SHISAL1: variants seen among roughly 807,000 people sequenced by gnomAD.
SHISAL1 encodes the protein shisa like 1, also known as protein shisa-like-1.
A neutral mutation model predicts 22.6 loss-of-function variants in SHISAL1; 9 were observed. The ratio of observed to expected loss-of-function variants is 0.40; its 90% CI spans 0.24 to 0.70. The LOEUF is 0.70. Among genes scored for constraint, SHISAL1 ranks in the 30% least tolerant of loss-of-function variants. The pLI is 0.39. For synonymous variants in SHISAL1, 119 were observed against 115.4 expected, an observed-to-expected ratio of 1.03 and a Z score of -0.20; for missense variants, 246 against 270.6, an observed-to-expected ratio of 0.91 and a Z score of 0.64.
At chr22:44,328,006 G>A in the SHISAL1 span, among the ~76,000 whole-genome samples, 1 of 152,198 alleles carries the variant, frequency 6.6e-6, no homozygotes, top group Non-Finnish European at 1.5e-5. Context: ...CTAAGATCCT[G>A]TGAATCTGTT....
At chr22:44,317,506 G>A (rs1349005306), upstream of SHISAL1, among the ~76,000 whole-genome samples, 1 of 152,198 alleles carries the variant, frequency 6.6e-6, no homozygotes, top group Non-Finnish European at 1.5e-5. Flanking sequence ...ACAGACAACA[G>A]CCTCCTCCCA....
chr22:44,266,532 G>GTGTA (rs1352276536), intron 4 of SHISAL1, among the ~76,000 whole-genome samples: 8 of 143,866 alleles, frequency 5.6e-5, no homozygotes, highest in African/African-American at 1.4e-4. Context: ...TGGGGTATGT[G>GTGTA]TGTGTGTGTG....
chr22:44,312,122 C>T (rs1307836152), intron 1 of SHISAL1, among the ~76,000 whole-genome samples: 10 of 152,176 alleles, frequency 6.6e-5, no homozygotes, highest in Non-Finnish European at 4.4e-5. Context: ...AAGCCCTAAG[C>T]CTCAGTTTCC....
In SHISAL1 at chr22:44,246,430, GTA is replaced by G. The variant is rs2055001917; in HGVS notation, c.*3253_*3254del. On this transcript the variant is annotated 3_prime_UTR_variant, in exon 5 of 5. Transcript: ENST00000381176. ...GATGGACAGAAGCTCACAGTAAAAA[GTA>G]AAAGTAGGCAGCTTAAAAAATCAGG... 1 of 152,140 alleles carries G rather than the reference GTA, an allele frequency of 6.6e-6. No individual in the cohort carries two copies. Among genetic ancestry groups the G allele is most frequent in the Non-Finnish European group, 1.5e-5 (1 of 68,030 alleles). The allele number at this position is 152,140 out of a possible 1,614,324, so 9.4% of individuals were successfully genotyped here.
chr22:44,302,525 T>C (rs984476372), intron 1 of SHISAL1, among the ~76,000 whole-genome samples: 1 of 152,216 alleles, frequency 6.6e-6, no homozygotes, highest in Non-Finnish European at 1.5e-5. Flanking sequence ...GGAGGGCCTC[T>C]CTGAGAAGGT....
At chr22:44,325,642 C>T in the SHISAL1 span, among the ~76,000 whole-genome samples, 1 of 152,172 alleles carries the variant, frequency 6.6e-6, no homozygotes, top group Non-Finnish European at 1.5e-5. Flanking sequence ...CGACTCTGGC[C>T]ACCTTGCTTC....
Position 44,247,506 on chromosome 22 carries a change from A to G in SHISAL1, c.*2179T>C, listed in dbSNP as rs2055011818. 6.6e-6 allele frequency: 1 copy of G among 152,440 alleles called. No individual in the cohort carries two copies. Among genetic ancestry groups the G allele is most frequent in the Non-Finnish European group, 1.5e-5 (1 of 68,240 alleles). The allele number at this position is 152,440 out of a possible 1,614,324, so 9.4% of individuals were successfully genotyped here. On this transcript the variant is annotated 3_prime_UTR_variant, in exon 5 of 5. Transcript: ENST00000381176. ...CCTTTCTCCAATCGAGACCCCAAGC[A>G]GAGGTTCTCCCACTTTGCCAAGCCA...
chr22:44,270,245 C>G (rs1279971856), intron 4 of SHISAL1, among the ~76,000 whole-genome samples: 1 of 152,216 alleles, frequency 6.6e-6, no homozygotes, highest in Non-Finnish European at 1.5e-5. Context: ...CCGAATCTCC[C>G]TCCCTCTTGG....
the SHISAL1 span, among the ~76,000 whole-genome samples, chr22:44,323,576 C>T: frequency 1.3e-5 from 2 of 150,974 alleles, 1 homozygote; most frequent in Non-Finnish European, 3.0e-5. Context: ...TCCATCCATC[C>T]ACCCACCTCA....
chr22:44,323,433 C>T, the SHISAL1 span, among the ~76,000 whole-genome samples: 1 of 143,590 alleles, frequency 7.0e-6, no homozygotes, highest in Non-Finnish European at 1.5e-5. Flanking sequence ...ATCCATGCAT[C>T]CATCCATCAA....
rs1211682092 is a variant in SHISAL1 at position 44,266,418 on chromosome 22, G to T, written c.*-16733C>A. On this transcript the variant is annotated intron_variant, in intron 4 of 4. Transcript: ENST00000381176. ...TTGTCGGAGGGCTTGTTGTTTGTTG[G>T]GGGGCTGTGTGTGTGTTGGGGGGTT... 3.4e-5 allele frequency among the ~76,000 whole-genome samples: 5 copies of T among 148,060 alleles called. No homozygotes were observed. The East Asian group carries it at 8.0e-4, about 24-fold the overall frequency.
rs536567563 is a variant in SHISAL1 at position 44,297,623 on chromosome 22, A to T, written c.68-738T>A. ...CTGGAACCCTCCCACCACTCTGCTC[A>T]GGGGCGGAGGCCCCTATTCAGCCAC... On this transcript the variant is annotated intron_variant, in intron 2 of 4. Transcript: ENST00000381176. 8.5e-5 allele frequency among the ~76,000 whole-genome samples: 13 copies of T among 152,362 alleles called. No homozygotes were observed. The East Asian group carries it at 2.5e-3, about 29-fold the overall frequency.
rs1160534217 is a variant in SHISAL1, at chr22:44,248,712, A to C, written c.*973T>G. The C allele has an allele frequency of 1.3e-5, 2 of 152,214 alleles. No individual in the cohort carries two copies. Among genetic ancestry groups the C allele is most frequent in the African/African-American group, 2.4e-5 (1 of 41,438 alleles). 9.4% of individuals were successfully genotyped at this position (152,214 alleles called of 1,614,324 possible). A position where few individuals can be genotyped will look rare whatever the true frequency, so the allele number is the denominator to read the frequency against. On this transcript the variant is annotated 3_prime_UTR_variant, in exon 5 of 5. Transcript: ENST00000381176. ...CCTGGCACACAGCAGATGCTTAGCCAGAATGTGCTGAGTGGATCAGCGCTC... is the reference window on the plus strand; with the variant it reads ...CCTGGCACACAGCAGATGCTTAGCCCGAATGTGCTGAGTGGATCAGCGCTC...
the SHISAL1 span, among the ~76,000 whole-genome samples, chr22:44,324,111 A>G: frequency 6.6e-6 from 1 of 152,204 alleles, no homozygotes; most frequent in Non-Finnish European, 1.5e-5. Context: ...TTAGCAATGT[A>G]ACTGACCCAG....
chr22:44,319,943 C>G, the SHISAL1 span, among the ~76,000 whole-genome samples: 3 of 152,008 alleles, frequency 2.0e-5, no homozygotes, highest in African/African-American at 7.3e-5. Flanking sequence ...AATCAGGTCT[C>G]GAGGGTGATG....
intron 4 of SHISAL1, among the ~76,000 whole-genome samples, chr22:44,273,293 G>T (rs1189229594): frequency 1.3e-5 from 2 of 152,284 alleles, no homozygotes; most frequent in East Asian, 3.9e-4. Context: ...AATTTCCCGA[G>T]CGTAAATACT....
At chr22:44,252,822 G>A (rs560952074) in intron 4 of SHISAL1, among the ~76,000 whole-genome samples, 3 of 151,246 alleles carry the variant, frequency 2.0e-5, no homozygotes, top group East Asian at 1.9e-4. Flanking sequence ...ATGAAATCCC[G>A]TCTCTACTAA....
chr22:44,261,788 T>C (rs1431296909), intron 4 of SHISAL1, among the ~76,000 whole-genome samples: 1 of 152,250 alleles, frequency 6.6e-6, no homozygotes. Context: ...CACTGACTCC[T>C]GCCACGGAGA....
At chr22:44,319,599 C>T in the SHISAL1 span, among the ~76,000 whole-genome samples, 16 of 152,342 alleles carry the variant, frequency 1.1e-4, no homozygotes, top group East Asian at 2.3e-3. Context: ...CGGCAGACCC[C>T]GCCCCTGGGT....
Sources: allele counts gnomAD v4.1 joint callset (sites outside exome capture counted in the v4.1 genomes callset), GRCh38; gene constraint gnomAD v4.1.1; transcripts MANE v1.5; gene names NCBI Gene and HGNC (gene_info 2026-07-23, HGNC 2026-07-21).